ZFHX4: variants seen among roughly 807,000 people sequenced by gnomAD.
The protein encoded by ZFHX4 is zinc finger homeobox 4.
Under a neutral mutation model 267.6 loss-of-function variants are expected in ZFHX4, and 56 were observed. That is an observed-to-expected ratio of 0.21 (90% CI 0.17 to 0.26). The LOEUF is 0.26. ZFHX4 is among the 10% of genes least tolerant of loss of function. The pLI is 1.00. For missense variants in ZFHX4, 4,332 were observed against 4,420.0 expected (o/e 0.98, Z 0.56); for synonymous variants, 1,778 against 1,665.6 (o/e 1.07, Z -1.64).
intron 3 of ZFHX4, among the ~76,000 whole-genome samples, chr8:76,738,300 C>T (rs549486478): frequency 6.6e-6 from 1 of 152,172 alleles, no homozygotes; most frequent in South Asian, 2.1e-4. Context: ...GCTGATGTAA[C>T]CAGGTCGGTT....
chr8:76,791,020 A>G (rs1810821760), intron 4 of ZFHX4, among the ~76,000 whole-genome samples: 1 of 152,190 alleles, frequency 6.6e-6, no homozygotes, highest in African/African-American at 2.4e-5. Context: ...AAATTAAAGC[A>G]AAAAACTTTC....
At chr8:76,768,743 T>G (rs1437903448) in intron 3 of ZFHX4, among the ~76,000 whole-genome samples, 1 of 151,996 alleles carries the variant, frequency 6.6e-6, no homozygotes, top group African/African-American at 2.4e-5. Flanking sequence ...CAGTATAGGT[T>G]TGGAGAGAAA....
intron 4 of ZFHX4, among the ~76,000 whole-genome samples, chr8:76,807,145 T>C (rs768641078): frequency 3.9e-4 from 59 of 152,188 alleles, no homozygotes; most frequent in Admixed American, 8.5e-4. Flanking sequence ...GTGATTAAAC[T>C]AATTTTGTAG....
At chr8:76,722,262 C>T (rs1240283297) in intron 3 of ZFHX4, among the ~76,000 whole-genome samples, 1 of 152,072 alleles carries the variant, frequency 6.6e-6, no homozygotes, top group East Asian at 1.9e-4. Flanking sequence ...ACATGATAAG[C>T]TCCTATACCA....
chr8:76,778,483 C>A, intron 4 of ZFHX4, 44 bp downstream of exon 4: 1 of 1,450,968 alleles, frequency 6.9e-7, no homozygotes. Context: ...TCCCTCCACA[C>A]CACTTCATCA....
intron 4 of ZFHX4, among the ~76,000 whole-genome samples, chr8:76,795,774 T>G (rs1810965561): frequency 6.6e-6 from 1 of 152,076 alleles, no homozygotes; most frequent in Admixed American, 6.6e-5. Flanking sequence ...TGACCTCAGG[T>G]GATCCGCCCG....
intron 3 of ZFHX4, among the ~76,000 whole-genome samples, chr8:76,737,985 G>A (rs971826605): frequency 3.3e-5 from 5 of 152,106 alleles, no homozygotes; most frequent in African/African-American, 1.2e-4. Context: ...GAACAGTGTG[G>A]CATTAATTCT....
chr8:76,777,194 T>C (rs941358375), intron 3 of ZFHX4, among the ~76,000 whole-genome samples: 2 of 152,188 alleles, frequency 1.3e-5, no homozygotes, highest in Admixed American at 6.5e-5. Flanking sequence ...CTTGTTTGTA[T>C]GGAATTGAAC....
At chr8:76,712,586 A>C (rs1311610394) in intron 3 of ZFHX4, among the ~76,000 whole-genome samples, 2 of 152,200 alleles carry the variant, frequency 1.3e-5, no homozygotes, top group East Asian at 3.8e-4. Context: ...TGTGTGGTAC[A>C]CATTTACATA....
rs142768543 is a variant in ZFHX4 at position 76,745,522 on chromosome 8, T to C, written c.3094-32686T>C. Among the ~76,000 whole-genome samples the C allele has an allele frequency of 6.1e-3, 935 of 152,090 alleles. 8 individuals are homozygous for C. Among genetic ancestry groups the C allele is most frequent in the African/African-American group, 0.022 (896 of 41,504 alleles). The stretch of plus-strand genomic sequence containing the variant: ...CTTTTTCAAGAACCTAAAGTAAAAA[T>C]GATAATAGTTGAAAAGTCAATTATT... On this transcript the variant is annotated intron_variant, in intron 3 of 10. Transcript: ENST00000651372.
intron 6 of ZFHX4, among the ~76,000 whole-genome samples, chr8:76,844,487 T>C (rs529117269): frequency 6.6e-6 from 1 of 152,176 alleles, no homozygotes; most frequent in Admixed American, 6.5e-5. Context: ...AATTTTACCA[T>C]TGAGGAAAGA....
At chr8:76,831,892 G>A (rs1356852632) in intron 4 of ZFHX4, among the ~76,000 whole-genome samples, 1 of 151,844 alleles carries the variant, frequency 6.6e-6, no homozygotes, top group African/African-American at 2.4e-5. Flanking sequence ...GTGACATGTA[G>A]GATGTCAATT....
intron 4 of ZFHX4, among the ~76,000 whole-genome samples, chr8:76,811,728 A>G (rs1379959299): frequency 6.6e-6 from 1 of 152,208 alleles, no homozygotes; most frequent in African/African-American, 2.4e-5. Flanking sequence ...AGATGCTTCT[A>G]TGCATTAGGT....
intron 10 of ZFHX4, 76 bp downstream of exon 10, chr8:76,856,376 G>A (rs1812729050): frequency 1.3e-6 from 2 of 1,526,174 alleles, no homozygotes; most frequent in Admixed American, 1.9e-5. Context: ...CCAAGAACGG[G>A]GTGCCTTTGG....
At chr8:76,803,984 G>A (rs1250751717) in intron 4 of ZFHX4, among the ~76,000 whole-genome samples, 2 of 151,948 alleles carry the variant, frequency 1.3e-5, no homozygotes, top group African/African-American at 4.8e-5. Context: ...TAGAATTTTT[G>A]CATTAAGTCC....
At chr8:76,711,129 A>G (rs952168839) in intron 3 of ZFHX4, among the ~76,000 whole-genome samples, 1 of 152,150 alleles carries the variant, frequency 6.6e-6, no homozygotes, top group Non-Finnish European at 1.5e-5. Context: ...AAAAAAGAAT[A>G]CCTTTATGCC....
chr8:76,738,890 T>G (rs1809242770), intron 3 of ZFHX4, among the ~76,000 whole-genome samples: 1 of 151,992 alleles, frequency 6.6e-6, no homozygotes, highest in East Asian at 1.9e-4. Flanking sequence ...AATTTTTGTA[T>G]TTTTGGTAGA....
Position 76,854,019 on chromosome 8 carries a change from G to A in ZFHX4, c.7098G>A (p.Val2366=). Residue 2366 remains valine, a synonymous_variant, in exon 10 of 11, where the codon GTG becomes GTA. Transcript: ENST00000651372. ...AAGTGGTATACAAGCATTGCACAGT[G>A]TCTGGCCAAACGGATGCAGCTAAAA... ...TDQVVYKHCT[V]SGQTDAAKNA... 2 of 1,613,932 alleles carry A rather than the reference G, an allele frequency of 1.2e-6. No individual in the cohort carries two copies. The highest frequency in any genetic ancestry group is 1.7e-6 in the Non-Finnish European group (2 of 1,179,868).
At chr8:76,759,147 C>G (rs1157738346) in intron 3 of ZFHX4, among the ~76,000 whole-genome samples, 1 of 152,030 alleles carries the variant, frequency 6.6e-6, no homozygotes, top group Admixed American at 6.6e-5. Flanking sequence ...CCTTAAAAAT[C>G]ATTATCCTTT....
Sources: allele counts gnomAD v4.1 joint callset (sites outside exome capture counted in the v4.1 genomes callset), GRCh38; gene constraint gnomAD v4.1.1; transcripts MANE v1.5; gene names NCBI Gene and HGNC (gene_info 2026-07-23, HGNC 2026-07-21).